Variants in COPS7B observed in about 807,000 individuals in gnomAD.
The protein encoded by COPS7B is COP9 signalosome complex subunit 7b.
A neutral mutation model predicts 33.4 loss-of-function variants in COPS7B; 9 were observed. That is an observed-to-expected ratio of 0.27 (90% CI 0.16 to 0.47). The LOEUF (loss-of-function observed/expected upper bound fraction) is 0.47, where lower values mean the gene tolerates loss of function less well. COPS7B is among the 20% of genes least tolerant of loss of function. COPS7B has a pLI of 0.99. For synonymous variants in COPS7B, 119 were observed against 126.3 expected (o/e 0.94, Z 0.39); for missense variants, 242 against 318.2 (o/e 0.76, Z 1.82).
intron 3 of COPS7B, chr2:231,792,065 G>A (rs1473957952): frequency 1.6e-6 from 1 of 638,432 alleles, no homozygotes. Flanking sequence ...TGAGATTCTT[G>A]AGGACTGGTG....
In COPS7B at chr2:231,798,853, T is replaced by A; in HGVS notation, c.531-6T>A. Reference sequence around the variant, plus strand: ...TGCAGCTCAGGGCTGGTTTTCTCCATTGTAGGTGTGATGGCTGTGAAGCAG... The same window carrying A: ...TGCAGCTCAGGGCTGGTTTTCTCCAATGTAGGTGTGATGGCTGTGAAGCAG... On this transcript the variant is annotated splice_polypyrimidine_tract_variant and splice_region_variant and intron_variant, in intron 5 of 6. Coordinates refer to ENST00000350033, the MANE Select transcript of COPS7B (RefSeq NM_022730.4). 1 of 1,613,532 alleles carries A rather than the reference T, an allele frequency of 6.2e-7. No individual in the cohort carries two copies. The highest frequency in any genetic ancestry group is 8.5e-7 in the Non-Finnish European group (1 of 1,179,514).
chr2:231,798,807 AAG>A (rs1391408759), intron 5 of COPS7B, 50 bp from the exon 6 acceptor site: 3 of 1,463,244 alleles, frequency 2.1e-6, no homozygotes, highest in Non-Finnish European at 2.9e-6. Context: ...CTGAGCCTGG[AAG>A]AGACTTCCCA....
In COPS7B at chr2:231,807,805, A is replaced by T; in HGVS notation, c.*160A>T. ...TTGGTACTGTTCCAGAAAAACTGTT[A>T]CTCCCCCTCACCCACTCCCTCCTTC... On this transcript the variant is annotated 3_prime_UTR_variant, in exon 7 of 7. Transcript: ENST00000350033. 1.7e-6 allele frequency: 1 copy of T among 590,628 alleles called. No homozygotes were observed. The highest frequency in any genetic ancestry group is 2.4e-5 in the South Asian group (1 of 41,154). The allele number at this position is 590,628 out of a possible 1,614,324, so 36.6% of individuals were successfully genotyped here.
upstream of COPS7B, among the ~76,000 whole-genome samples, chr2:231,784,638 A>G (rs2049197414): frequency 1.3e-5 from 2 of 152,124 alleles, no homozygotes; most frequent in Non-Finnish European, 2.9e-5. Context: ...CCTCTTCCAT[A>G]GCCCTGTTCA....
chr2:231,781,780 G>C, upstream of COPS7B: 1 of 1,525,124 alleles, frequency 6.6e-7, no homozygotes, highest in East Asian at 2.5e-5. Flanking sequence ...GGAATCCCGA[G>C]ACTTGAAACC....
At chr2:231,796,382 T>C (rs376090694) in intron 5 of COPS7B, 74 bp downstream of exon 5, 70 of 1,430,558 alleles carry the variant, frequency 4.9e-5, no homozygotes, top group East Asian at 4.7e-4. Context: ...GATTCCCTGG[T>C]GTCAGCTGAG....
chr2:231,808,482 C>T lies in COPS7B; in HGVS notation c.*837C>T, dbSNP rs201118351. On this transcript the variant is annotated 3_prime_UTR_variant, in exon 7 of 7. Transcript: ENST00000350033. ...GCTCTCCCAAGATCTTTAACTCCTC[C>T]TGGCTGCACCTGGGTAGGGATGGTG... is the stretch of plus-strand genomic sequence containing the variant. 15 of 471,474 alleles carry T rather than the reference C, an allele frequency of 3.2e-5. 1 individual carries two copies. The highest frequency in any genetic ancestry group is 1.4e-4 in the South Asian group (9 of 64,556). The allele number at this position is 471,474 out of a possible 1,614,324, so 29.2% of individuals were successfully genotyped here.
intron 5 of COPS7B, 142 bp downstream of exon 5, chr2:231,796,450 A>G: frequency 1.5e-6 from 1 of 674,364 alleles, no homozygotes; most frequent in Non-Finnish European, 2.6e-6. Flanking sequence ...CGGAGAGTGG[A>G]GCTACATTTG....
chr2:231,797,842 T>C (rs1574668619), intron 5 of COPS7B, among the ~76,000 whole-genome samples: 3 of 152,216 alleles, frequency 2.0e-5, no homozygotes, highest in Admixed American at 1.3e-4. Flanking sequence ...CTTAAACTTC[T>C]GAGAAAAGGC....
chr2:231,800,858 G>A (rs899903582), intron 6 of COPS7B, among the ~76,000 whole-genome samples: 7 of 152,222 alleles, frequency 4.6e-5, no homozygotes, highest in Admixed American at 2.0e-4. Context: ...AATATGGTCT[G>A]TTCCCTGAGC....
intron 1 of COPS7B, among the ~76,000 whole-genome samples, chr2:231,788,142 T>G (rs1049648223): frequency 3.7e-4 from 55 of 149,990 alleles, no homozygotes; most frequent in South Asian, 4.3e-4. Context: ...AACTGTTTTT[T>G]TTTTTTTTTT....
chr2:231,784,684 C>T (rs770413834), upstream of COPS7B, among the ~76,000 whole-genome samples: 2 of 152,116 alleles, frequency 1.3e-5, no homozygotes, highest in African/African-American at 2.4e-5. Context: ...GGCCTCCCAG[C>T]GCAGAATCCT....
intron 1 of COPS7B, 81 bp downstream of exon 1, chr2:231,786,619 A>G (rs987072559): frequency 2.8e-6 from 2 of 708,534 alleles, no homozygotes; most frequent in Non-Finnish European, 3.5e-6. Context: ...GCCCGCCGCC[A>G]AGGAAGCCCG....
At chr2:231,801,060 T>A (rs2049730794) in intron 6 of COPS7B, 1 of 1,135,352 alleles carries the variant, frequency 8.8e-7, no homozygotes, top group Non-Finnish European at 1.3e-6. Context: ...TATTTATGCC[T>A]CTGTTACCCT....
chr2:231,791,367 C>G (rs1258578779), intron 2 of COPS7B, among the ~76,000 whole-genome samples: 6 of 152,340 alleles, frequency 3.9e-5, no homozygotes, highest in South Asian at 2.1e-4. Flanking sequence ...CCATACCTAC[C>G]AAGCTGGTAT....
chr2:231,796,356 C>G (rs1298169169), intron 5 of COPS7B, 48 bp downstream of exon 5: 1 of 1,567,540 alleles, frequency 6.4e-7, no homozygotes, highest in African/African-American at 1.3e-5. Context: ...TTTTGTGCCT[C>G]TCCTTGCAAA....
At chr2:231,805,998 T>C (rs1574684250) in intron 6 of COPS7B, among the ~76,000 whole-genome samples, 1 of 151,900 alleles carries the variant, frequency 6.6e-6, no homozygotes, top group Non-Finnish European at 1.5e-5. Context: ...CATTCTCTCT[T>C]CAGAAAGGCT....
intron 6 of COPS7B, 116 bp from the exon 7 acceptor site, chr2:231,807,371 A>T: frequency 9.9e-7 from 1 of 1,010,358 alleles, no homozygotes; most frequent in East Asian, 2.9e-5. Context: ...TCTGAAGAGA[A>T]TTTCAGGTTT....
intron 6 of COPS7B, chr2:231,801,186 T>G (rs1415087739): frequency 6.4e-7 from 1 of 1,550,454 alleles, no homozygotes; most frequent in Admixed American, 2.0e-5. Context: ...CTCCTGAATC[T>G]TATAACAACA....
Sources: gnomAD v4.1 joint callset for allele counts (sites outside exome capture counted in the v4.1 genomes callset) on GRCh38, gnomAD v4.1.1 for gene constraint, MANE v1.5 for transcripts, NCBI Gene and HGNC (gene_info 2026-07-23, HGNC 2026-07-21) for gene names.